The following BCL9L variants were observed in gnomAD, a reference collection of about 807,000 sequenced individuals.
The protein encoded by BCL9L is BCL9 like.
In BCL9L, 19 loss-of-function variants were observed where a neutral mutation model predicts 99.4. That is an observed-to-expected ratio of 0.19 (90% CI 0.13 to 0.28). The LOEUF (loss-of-function observed/expected upper bound fraction) is 0.28, where lower values mean the gene tolerates loss of function less well. BCL9L is among the 10% of genes least tolerant of loss of function. The pLI, the probability that BCL9L is intolerant of heterozygous loss-of-function variation, is 1.00. For missense variants in BCL9L, 2,023 were observed against 2,101.6 expected, an observed-to-expected ratio of 0.96 and a Z score of 0.73; for synonymous variants, 900 against 854.8, an observed-to-expected ratio of 1.05 and a Z score of -0.92.
At chr11:118,924,220 G>A (rs758921735) in intron 1 of BCL9L, among the ~76,000 whole-genome samples, 3 of 152,058 alleles carry the variant, frequency 2.0e-5, no homozygotes, top group Non-Finnish European at 2.9e-5. Flanking sequence ...AGTGAGGGCA[G>A]AAGATCCAGG....
At position 118,898,376 on chromosome 11, in the gene BCL9L, T is replaced by C. The variant is rs752401030; in HGVS notation, c.*39A>G. On this transcript the variant is annotated 3_prime_UTR_variant, in exon 10 of 10. Transcript: ENST00000683865. The stretch of plus-strand genomic sequence containing the variant: ...GAAGAACTTTGTTAAGGTTATCGTA[T>C]TTGCAACATTGCCCCGGCTCCAGCC... 6.4e-7 allele frequency: 1 copy of C among 1,554,832 alleles called. No individual in the cohort carries two copies. The highest frequency in any genetic ancestry group is 1.4e-5 in the African/African-American group (1 of 73,254).
chr11:118,924,398 A>C (rs1941228112), intron 1 of BCL9L, among the ~76,000 whole-genome samples: 1 of 151,464 alleles, frequency 6.6e-6, no homozygotes, highest in African/African-American at 2.4e-5. Flanking sequence ...TGTCAGAAAA[A>C]CCCGGAAGGA....
chr11:118,898,304 A>ACACCCCCCCCCCCCCC lies in BCL9L; in HGVS notation c.*110_*111insGGGGGGGGGGGGGGTG. On this transcript the variant is annotated 3_prime_UTR_variant, in exon 10 of 10. Coordinates refer to ENST00000683865, the MANE Select transcript of BCL9L (RefSeq NM_001378213.1). ...CCACTCCCTACACAAGCCCCCTCCC[A>ACACCCCCCCCCCCCCC]CCCCCTCCACCCCACCCCGCGACCC... is the stretch of plus-strand genomic sequence containing the variant. The ACACCCCCCCCCCCCCC allele has an allele frequency of 5.2e-6, 1 of 193,448 alleles. No individual in the cohort carries two copies. The highest frequency in any genetic ancestry group is 9.2e-6 in the Non-Finnish European group (1 of 108,398). The allele number at this position is 193,448 out of a possible 1,614,324, so 12.0% of individuals were successfully genotyped here.
At position 118,898,906 on chromosome 11, in the gene BCL9L, T is replaced by C. The variant is rs1205796254; in HGVS notation, c.4009A>G (p.Ser1337Gly). ...CTCTTGGGGAAGTACTGGAGGGTGC[T>C]GCTTGGCTTCTCAGAGGGGATGATC... ...SRIIPSEKPS[S>G]TLQYFPKSEN... The change falls in exon 10 of 10, where the codon AGC becomes GGC. Residue 1337 changes from serine (S) to glycine (G), a missense_variant. Ser to Gly is a moderately conservative substitution (Grantham distance 56). This residue lies in a region of BCL9L where 902 missense variants were observed against 888.2 expected (regional missense o/e 1.02). Transcript: ENST00000683865. 3 of 1,613,394 alleles carry C rather than the reference T, an allele frequency of 1.9e-6. No homozygotes were observed. Among genetic ancestry groups the C allele is most frequent in the Non-Finnish European group, 2.5e-6 (3 of 1,179,610 alleles).
Position 118,898,349 on chromosome 11 carries a change from G to C in BCL9L, c.*66C>G. 6.6e-7 allele frequency: 1 copy of C among 1,511,078 alleles called. No homozygotes were observed. Among genetic ancestry groups the C allele is most frequent in the Admixed American group, 2.0e-5 (1 of 49,074 alleles). The allele number at this position is 1,511,078 out of a possible 1,614,324, so 93.6% of individuals were successfully genotyped here. On this transcript the variant is annotated 3_prime_UTR_variant, in exon 10 of 10. Coordinates refer to ENST00000683865, the MANE Select transcript of BCL9L (RefSeq NM_001378213.1). Reference sequence around the variant, plus strand: ...CGACCCAGGCCATCCCAACATTGAGGGGAAGAACTTTGTTAAGGTTATCGT... The same window carrying C: ...CGACCCAGGCCATCCCAACATTGAGCGGAAGAACTTTGTTAAGGTTATCGT...
chr11:118,905,682 T>C (rs1036623894), intron 5 of BCL9L, among the ~76,000 whole-genome samples: 5 of 151,676 alleles, frequency 3.3e-5, no homozygotes, highest in African/African-American at 1.2e-4. Context: ...CCAGGCGTGG[T>C]GGCAGGTGCC....
chr11:118,898,962 G>A lies in BCL9L; in HGVS notation c.3953C>T (p.Pro1318Leu), dbSNP rs763128397. The A allele has an allele frequency of 1.2e-6, 2 of 1,612,896 alleles. No individual in the cohort carries two copies. Among genetic ancestry groups the A allele is most frequent in the Non-Finnish European group, 1.7e-6 (2 of 1,179,166 alleles). The change falls in exon 10 of 10, where the codon CCA becomes CTA. Residue 1318 changes from proline to leucine, a missense_variant. Physicochemically the swap from Pro to Leu is moderately conservative, Grantham distance 98 (BLOSUM62 -3). Transcript: ENST00000683865. The part of the protein sequence containing the change: ...PELSEVIRPT[P>L]TGIPEFDLSR... The stretch of plus-strand genomic sequence containing the variant: ...CAAGTCGAACTCGGGGATCCCCGTT[G>A]GGGTGGGCCGGATCACCTCGCTCAG...
At position 118,900,902 on chromosome 11, in the gene BCL9L, C is replaced by G; in HGVS notation, c.2841G>C (p.Ser947=). 1 of 1,591,842 alleles carries G rather than the reference C, an allele frequency of 6.3e-7. No homozygotes were observed. Among genetic ancestry groups the G allele is most frequent in the Non-Finnish European group, 8.6e-7 (1 of 1,166,614 alleles). Residue 947 remains serine (S), a synonymous_variant, in exon 8 of 10, where the codon TCG becomes TCC. Transcript: ENST00000683865. This position sits in a 1 kb window ranked among gnomAD's most constrained non-coding sequence, Gnocchi z 5.3. ...LSQVHSPLVT[S]PSANLKSPQT... is the part of the protein sequence containing the mutation. ...GGGGTGACTTGAGGTTGGCAGAGGGCGAGGTGACCAGGGGTGAGTGCACCT... is the reference window on the plus strand; with the variant it reads ...GGGGTGACTTGAGGTTGGCAGAGGGGGAGGTGACCAGGGGTGAGTGCACCT...
intron 9 of BCL9L, among the ~76,000 whole-genome samples, 188 bp downstream of exon 9, chr11:118,899,729 A>G (rs1454108492): frequency 1.3e-5 from 2 of 152,154 alleles, no homozygotes; most frequent in African/African-American, 4.8e-5. Context: ...GGTGTTGGAA[A>G]GACCACTCGA....
intron 2 of BCL9L, among the ~76,000 whole-genome samples, chr11:118,916,396 G>A (rs1483523411): frequency 2.6e-5 from 4 of 152,220 alleles, no homozygotes; most frequent in East Asian, 1.9e-4. Flanking sequence ...CATCCCTGCC[G>A]CCCACTCCTG....
In BCL9L at chr11:118,902,483, C is replaced by T. The variant is rs1450396941; in HGVS notation, c.1260G>A (p.Leu420=). The T allele has an allele frequency of 6.8e-6, 11 of 1,609,516 alleles. No individual in the cohort carries two copies. Among genetic ancestry groups the T allele is most frequent in the Non-Finnish European group, 8.5e-6 (10 of 1,179,290 alleles). ...GCTCAGTCTCTCCGCTGCGGAGCAG[C>T]AGTCGCTCAATGTCTCGCAGCGTCT... ...SLQTLRDIER[L]LLRSGETEPF... Residue 420 remains leucine (L), a synonymous_variant, in exon 8 of 10, where the codon CTG becomes CTA. Transcript: ENST00000683865. This position sits in a 1 kb window ranked among gnomAD's most constrained non-coding sequence, Gnocchi z 7.8.
rs1403229153 is a variant in BCL9L, at chr11:118,898,770, C to A, written c.4145G>T (p.Gly1382Val). ...SRPPNLPGQQGVQRGLNMSMC... is the reference protein window; with the variant it reads ...SRPPNLPGQQVVQRGLNMSMC... Reference sequence around the variant, plus strand: ...GGACATGTTGAGCCCCCGCTGGACGCCCTGCTGGCCTGGGAGGTTGGGAGG... The same window carrying A: ...GGACATGTTGAGCCCCCGCTGGACGACCTGCTGGCCTGGGAGGTTGGGAGG... Residue 1382 changes from glycine (G) to valine (V), a missense_variant, in exon 10 of 10, where the codon GGC becomes GTC. Gly to Val is a moderately radical substitution (Grantham distance 109). Coordinates refer to ENST00000683865, the MANE Select transcript of BCL9L (RefSeq NM_001378213.1). The A allele has an allele frequency of 2.5e-6, 4 of 1,613,828 alleles. No homozygotes were observed. The Admixed American group carries it at 6.7e-5, about 27-fold the overall frequency.
chr11:118,912,944 G>A (rs1328101797), intron 2 of BCL9L, among the ~76,000 whole-genome samples: 1 of 151,990 alleles, frequency 6.6e-6, no homozygotes, highest in East Asian at 1.9e-4. Context: ...CCTTTCTCCT[G>A]GGTGTCAGGA....
Position 118,914,869 on chromosome 11 carries a change from G to A in BCL9L, c.-77+3957C>T, listed in dbSNP as rs911408638. Among the ~76,000 whole-genome samples, 8 of 152,190 alleles carry A rather than the reference G, an allele frequency of 5.3e-5. No homozygotes were observed. The highest frequency in any genetic ancestry group is 1.9e-4 in the African/African-American group (8 of 41,428). On this transcript the variant is annotated intron_variant, in intron 2 of 9. Coordinates refer to ENST00000683865, the MANE Select transcript of BCL9L (RefSeq NM_001378213.1). The surrounding 1 kb of genome is among the most constrained non-coding windows in gnomAD (Gnocchi z 4.4). ...ACTGAGTTTGAGGGCCGGGCGCGGT[G>A]GCACACGCCTGTAATCCCAGCACTT...
At chr11:118,899,896 G>A (rs532082221) in intron 9 of BCL9L, 21 bp downstream of exon 9, 3 of 1,605,238 alleles carry the variant, frequency 1.9e-6, no homozygotes, top group Admixed American at 1.7e-5. Flanking sequence ...GCCTCCCTGG[G>A]GCCCTGGCCT....
In BCL9L at chr11:118,903,173, C is replaced by G; in HGVS notation, c.749+63G>C. On this transcript the variant is annotated intron_variant, in intron 6 of 9. Coordinates refer to ENST00000683865, the MANE Select transcript of BCL9L (RefSeq NM_001378213.1). This position sits in a 1 kb window ranked among gnomAD's most constrained non-coding sequence, Gnocchi z 5.6. ...GCCCCTGCACGGGGCTCCCTCGGAA[C>G]CCCAGGCTGAGAGGTGCTGGGCAGA... 6.8e-7 allele frequency: 1 copy of G among 1,472,972 alleles called. No individual in the cohort carries two copies. Among genetic ancestry groups the G allele is most frequent in the Non-Finnish European group, 9.2e-7 (1 of 1,085,414 alleles). The allele number at this position is 1,472,972 out of a possible 1,614,324, so 91.2% of individuals were successfully genotyped here. A position where few individuals can be genotyped will look rare whatever the true frequency, so the allele number is the denominator to read the frequency against.
chr11:118,924,518 A>G (rs559070598), intron 1 of BCL9L, among the ~76,000 whole-genome samples: 1 of 152,228 alleles, frequency 6.6e-6, no homozygotes, highest in Admixed American at 6.5e-5. Context: ...AGGAGAGAGC[A>G]GCCCTCTGTC....
chr11:118,903,091 C>A lies in BCL9L; in HGVS notation c.750-17G>T. The A allele has an allele frequency of 6.4e-7, 1 of 1,563,632 alleles. No homozygotes were observed. The highest frequency in any genetic ancestry group is 8.6e-7 in the Non-Finnish European group (1 of 1,158,964). On this transcript the variant is annotated splice_polypyrimidine_tract_variant and intron_variant, in intron 6 of 9. Transcript: ENST00000683865. The surrounding 1 kb of genome is among the most constrained non-coding windows in gnomAD (Gnocchi z 5.6). ...TCTGCAGCCCTGCACAGAGTGGGGGCACCGACAGCTCAGAGAGGTGAGCAG... is the reference window on the plus strand; with the variant it reads ...TCTGCAGCCCTGCACAGAGTGGGGGAACCGACAGCTCAGAGAGGTGAGCAG...
Position 118,901,395 on chromosome 11 carries a change from T to C in BCL9L, c.2348A>G (p.Asn783Ser). 1.2e-6 allele frequency: 2 copies of C among 1,613,800 alleles called. No homozygotes were observed. The highest frequency in any genetic ancestry group is 1.7e-6 in the Non-Finnish European group (2 of 1,179,938). The part of the protein sequence containing the change: ...NMNVNMNMNM[N>S]LNVQMTPQQQ... Reference sequence around the variant, plus strand: ...CTGCGGGGTCATCTGCACGTTCAGGTTCATGTTCATGTTCATGTTGACATT... The same window carrying C: ...CTGCGGGGTCATCTGCACGTTCAGGCTCATGTTCATGTTCATGTTGACATT... The change falls in exon 8 of 10, where the codon AAC becomes AGC. Residue 783 changes from asparagine to serine, a missense_variant. This residue lies in a region of BCL9L where 1,116 missense variants were observed against 1,194.6 expected (regional missense o/e 0.93). Transcript: ENST00000683865. This position sits in a 1 kb window ranked among gnomAD's most constrained non-coding sequence, Gnocchi z 6.6.
Sources: allele counts gnomAD v4.1 joint callset (sites outside exome capture counted in the v4.1 genomes callset), GRCh38; gene constraint gnomAD v4.1.1; regional missense constraint gnomAD v4.1.1; non-coding constraint Gnocchi (gnomAD v3.1); transcripts MANE v1.5; gene names NCBI Gene and HGNC (gene_info 2026-07-23, HGNC 2026-07-21).